The following FSIP2 variants were observed in gnomAD, a reference collection of about 807,000 sequenced individuals.
FSIP2 encodes the protein fibrous sheath interacting protein 2.
A neutral mutation model predicts 510.5 loss-of-function variants in FSIP2; 367 were observed. The observed-to-expected ratio is 0.72, with a 90% CI of 0.66 to 0.78. The LOEUF (loss-of-function observed/expected upper bound fraction) is 0.78, where lower values mean the gene tolerates loss of function less well. FSIP2 is among the 30% of genes least tolerant of loss of function. The pLI is 0.00. For synonymous variants in FSIP2, 2,601 were observed against 2,732.2 expected (o/e 0.95, Z 1.50); for missense variants, 7,594 against 7,901.7 (o/e 0.96, Z 1.48).
At position 185,803,733 on chromosome 2, in the gene FSIP2, C is replaced by CTGGT. The variant is rs1264420058; in HGVS notation, c.14427_14428insTGGT (p.Thr4810TrpfsTer11). On this transcript the variant is annotated frameshift_variant, in exon 17 of 23. Transcript: ENST00000424728. LOFTEE classifies it high-confidence loss of function. ...TTACATCTCAGATAAGTCCATTGAA[C>CTGGT]ACCAGTGCAGAGCAGTCAGATACTA... The CTGGT allele has an allele frequency of 6.5e-7, 1 of 1,532,840 alleles. No individual in the cohort carries two copies. The highest frequency in any genetic ancestry group is 8.7e-7 in the Non-Finnish European group (1 of 1,144,740). The allele number at this position is 1,532,840 out of a possible 1,614,324, so 95.0% of individuals were successfully genotyped here. A position where few individuals can be genotyped will look rare whatever the true frequency, so the allele number is the denominator to read the frequency against.
rs1202999334 is a variant in FSIP2, at chr2:185,792,179, T to G, written c.5043T>G (p.Tyr1681Ter). The change falls in exon 16 of 23, where the codon TAT becomes TAG. Residue 1681 changes from tyrosine (Y) to a stop codon, truncating the protein, a stop_gained. Transcript: ENST00000424728. LOFTEE classifies it high-confidence loss of function. ...CACCTGAGACTCAAATACTTAAGTA[T>G]GTAGTCAAGTTAATTTTAGATGCAG... is the stretch of plus-strand genomic sequence containing the variant. ...NPPPETQILK[Y>*]VVKLILDAVS... is the part of the protein sequence containing the mutation. The G allele has an allele frequency of 1.3e-6, 2 of 1,531,744 alleles. No homozygotes were observed. The highest frequency in any genetic ancestry group is 2.8e-5 in the African/African-American group (2 of 72,698). The allele number at this position is 1,531,744 out of a possible 1,614,324, so 94.9% of individuals were successfully genotyped here. A position where few individuals can be genotyped will look rare whatever the true frequency, so the allele number is the denominator to read the frequency against.
chr2:185,807,169 A>C lies in FSIP2; in HGVS notation c.17863A>C (p.Asn5955His). Residue 5955 changes from asparagine (N) to histidine (H), a missense_variant, in exon 17 of 23, where the codon AAT becomes CAT. Physicochemically the swap from Asn to His is moderately conservative, Grantham distance 68. Transcript: ENST00000424728. ...AAGAAGACTAACTAGTGCAGTGATAAATGAAATTTTCCAACGTCAGGTTAA... is the reference window on the plus strand; with the variant it reads ...AAGAAGACTAACTAGTGCAGTGATACATGAAATTTTCCAACGTCAGGTTAA... ...LARRLTSAVI[N>H]EIFQRQVNLI... The C allele has an allele frequency of 2.5e-6, 4 of 1,602,262 alleles. No homozygotes were observed. The highest frequency in any genetic ancestry group is 2.6e-6 in the Non-Finnish European group (3 of 1,176,076).
chr2:185,773,289 C>T (rs1692647482), intron 13 of FSIP2, among the ~76,000 whole-genome samples: 1 of 152,156 alleles, frequency 6.6e-6, no homozygotes, highest in African/African-American at 2.4e-5. Flanking sequence ...TTGGTCAGCA[C>T]TATTTTTCTT....
At chr2:185,770,832 T>G (rs1036682258) in intron 13 of FSIP2, among the ~76,000 whole-genome samples, 1 of 152,206 alleles carries the variant, frequency 6.6e-6, no homozygotes, top group African/African-American at 2.4e-5. Flanking sequence ...GTATATTGCC[T>G]TCACTTATGA....
rs1345284292 is a variant in FSIP2 at position 185,804,681 on chromosome 2, T to G, written c.15375T>G (p.Leu5125=). ...TTTTAGAAGATATGGTTTACAGGCT[T>G]CTAGGGCATGTCTTCCCTTCAACTC... The part of the protein sequence containing the change: ...HSLLEDMVYR[L]LGHVFPSTHT... Residue 5125 remains leucine, a synonymous_variant, in exon 17 of 23, where the codon CTT becomes CTG. Transcript: ENST00000424728. The G allele has an allele frequency of 6.5e-7, 1 of 1,532,222 alleles. No individual in the cohort carries two copies. Among genetic ancestry groups the G allele is most frequent in the Non-Finnish European group, 8.7e-7 (1 of 1,144,682 alleles). The allele number at this position is 1,532,222 out of a possible 1,614,324, so 94.9% of individuals were successfully genotyped here. A position where few individuals can be genotyped will look rare whatever the true frequency, so the allele number is the denominator to read the frequency against.
At chr2:185,767,179 CA>C (rs1692505283) in intron 13 of FSIP2, among the ~76,000 whole-genome samples, 1 of 144,340 alleles carries the variant, frequency 6.9e-6, no homozygotes, top group South Asian at 2.2e-4. Context: ...GGGGTGGGGG[CA>C]GGGGGGAGGG....
At position 185,813,632 on chromosome 2, in the gene FSIP2, C is replaced by T; in HGVS notation, c.19915C>T (p.Leu6639Phe). The change falls in exon 18 of 23, where the codon CTT (leucine) becomes TTT (phenylalanine). Residue 6639 changes from leucine to phenylalanine, a missense_variant. Coordinates refer to ENST00000424728, the MANE Select transcript of FSIP2 (RefSeq NM_173651.4). ...AAAAGATGTTCAAAGTAAAAATGAT[C>T]TTATTGTTCGATTAGTAGCTCATGA... ...LLKDVQSKND[L>F]IVRLVAHDID... The T allele has an allele frequency of 6.3e-7, 1 of 1,595,508 alleles. No individual in the cohort carries two copies. The highest frequency in any genetic ancestry group is 8.5e-7 in the Non-Finnish European group (1 of 1,170,072).
chr2:185,796,088 C>T lies in FSIP2; in HGVS notation c.8952C>T (p.Ser2984=). 1 of 1,532,948 alleles carries T rather than the reference C, an allele frequency of 6.5e-7. No individual in the cohort carries two copies. Among genetic ancestry groups the T allele is most frequent in the Non-Finnish European group, 8.7e-7 (1 of 1,145,596 alleles). 95.0% of individuals were successfully genotyped at this position (1,532,948 alleles called of 1,614,324 possible). A position where few individuals can be genotyped will look rare whatever the true frequency, so the allele number is the denominator to read the frequency against. The change falls in exon 16 of 23, where the codon TCC becomes TCT. Residue 2984 remains serine, a synonymous_variant. Transcript: ENST00000424728. The part of the protein sequence containing the change: ...TKTKDQISVG[S]SNQIVQEIVE... ...CAAAAGACCAAATTTCTGTGGGCTC[C>T]AGCAACCAAATTGTTCAAGAGATTG... is the stretch of plus-strand genomic sequence containing the variant.
Position 185,800,419 on chromosome 2 carries a change from G to T in FSIP2, c.11113G>T (p.Asp3705Tyr), listed in dbSNP as rs1331143194. ...CAATAAAGTTTTTAATATTGTTTCA[G>T]ATTTATTTTCACCAGATGAATGCCT... ...VVNKVFNIVS[D>Y]LFSPDECLDT... Residue 3705 changes from aspartate (D) to tyrosine (Y), a missense_variant, in exon 17 of 23, where the codon GAT becomes TAT. By Grantham distance (160) the Asp-to-Tyr change is radical. Coordinates refer to ENST00000424728, the MANE Select transcript of FSIP2 (RefSeq NM_173651.4). The T allele has an allele frequency of 4.6e-6, 7 of 1,527,722 alleles. No homozygotes were observed. The Admixed American group carries it at 1.4e-4, about 31-fold the overall frequency. 94.6% of individuals were successfully genotyped at this position (1,527,722 alleles called of 1,614,324 possible). A position where few individuals can be genotyped will look rare whatever the true frequency, so the allele number is the denominator to read the frequency against.
chr2:185,803,581 C>G lies in FSIP2; in HGVS notation c.14275C>G (p.Leu4759Val). ...TCTGCCTTTTAAATCACATTCCAAA[C>G]TCAGTGCAAATGTTTTAATACAAAG... ...ANLPFKSHSK[L>V]SANVLIQRVQ... The change falls in exon 17 of 23, where the codon CTC (leucine) becomes GTC (valine). Residue 4759 changes from leucine to valine, a missense_variant. By Grantham distance (32) the Leu-to-Val change is conservative. Coordinates refer to ENST00000424728, the MANE Select transcript of FSIP2 (RefSeq NM_173651.4). The G allele has an allele frequency of 6.5e-7, 1 of 1,532,032 alleles. No homozygotes were observed. The allele number at this position is 1,532,032 out of a possible 1,614,324, so 94.9% of individuals were successfully genotyped here.
At position 185,804,010 on chromosome 2, in the gene FSIP2, G is replaced by A; in HGVS notation, c.14704G>A (p.Glu4902Lys). Reference protein sequence around the residue: ...VSKIASFIIKEIFNHHIQSFL... With the variant: ...VSKIASFIIKKIFNHHIQSFL... ...AAAAATAGCGAGTTTTATAATAAAA[G>A]AAATCTTTAACCATCATATTCAATC... The change falls in exon 17 of 23, where the codon GAA (glutamate) becomes AAA (lysine). Residue 4902 changes from glutamate (E) to lysine (K), a missense_variant. Glu to Lys is a moderately conservative substitution (Grantham distance 56). Transcript: ENST00000424728. 1 of 1,498,136 alleles carries A rather than the reference G, an allele frequency of 6.7e-7. No individual in the cohort carries two copies. Among genetic ancestry groups the A allele is most frequent in the South Asian group, 1.3e-5 (1 of 78,458 alleles). The allele number at this position is 1,498,136 out of a possible 1,614,324, so 92.8% of individuals were successfully genotyped here. A position where few individuals can be genotyped will look rare whatever the true frequency, so the allele number is the denominator to read the frequency against.
Position 185,803,170 on chromosome 2 carries a change from T to C in FSIP2, c.13864T>C (p.Phe4622Leu). The change falls in exon 17 of 23, where the codon TTC becomes CTC. Residue 4622 changes from phenylalanine to leucine, a missense_variant. Coordinates refer to ENST00000424728, the MANE Select transcript of FSIP2 (RefSeq NM_173651.4). The stretch of plus-strand genomic sequence containing the variant: ...TTATACCAGTGTTTACTCTTCAACA[T>C]TCTTGGAAGATGTAATCTCTGGGGT... ...LFYTSVYSST[F>L]LEDVISGVLR... 2 of 1,532,472 alleles carry C rather than the reference T, an allele frequency of 1.3e-6. No individual in the cohort carries two copies. The highest frequency in any genetic ancestry group is 1.7e-6 in the Non-Finnish European group (2 of 1,144,708). 94.9% of individuals were successfully genotyped at this position (1,532,472 alleles called of 1,614,324 possible).
chr2:185,769,138 T>C (rs1190606493), intron 13 of FSIP2, among the ~76,000 whole-genome samples: 1 of 152,180 alleles, frequency 6.6e-6, no homozygotes, highest in Non-Finnish European at 1.5e-5. Flanking sequence ...ATGGTTCCTT[T>C]GGGTATATAG....
intron 7 of FSIP2, among the ~76,000 whole-genome samples, chr2:185,752,136 A>G (rs1574155663): frequency 6.6e-6 from 1 of 151,128 alleles, no homozygotes; most frequent in Non-Finnish European, 1.5e-5. Context: ...TATGTCTGCA[A>G]AAGACTTATA....
rs1183421331 is a variant in FSIP2, at chr2:185,792,337, C to T, written c.5201C>T (p.Ala1734Val). Residue 1734 changes from alanine to valine, a missense_variant, in exon 16 of 23, where the codon GCG (alanine) becomes GTG (valine). Transcript: ENST00000424728. ...DSFLEDDAYT[A>V]KKIIDERSPQ... ...TTTCTAGAAGATGATGCATATACAG[C>T]GAAAAAAATTATTGATGAGAGATCC... The T allele has an allele frequency of 8.5e-6, 13 of 1,527,934 alleles. No individual in the cohort carries two copies. Among genetic ancestry groups the T allele is most frequent in the South Asian group, 7.3e-5 (6 of 82,530 alleles). 94.6% of individuals were successfully genotyped at this position (1,527,934 alleles called of 1,614,324 possible).
intron 14 of FSIP2, among the ~76,000 whole-genome samples, chr2:185,785,872 C>G (rs1692961126): frequency 6.6e-6 from 1 of 151,932 alleles, no homozygotes; most frequent in Non-Finnish European, 1.5e-5. Flanking sequence ...GGTCAGATGC[C>G]TTGCTACTCC....
chr2:185,799,779 T>C lies in FSIP2; in HGVS notation c.10473T>C (p.Asp3491=). The C allele has an allele frequency of 6.6e-7, 1 of 1,526,248 alleles. No individual in the cohort carries two copies. Among genetic ancestry groups the C allele is most frequent in the Non-Finnish European group, 8.8e-7 (1 of 1,141,600 alleles). The allele number at this position is 1,526,248 out of a possible 1,614,324, so 94.5% of individuals were successfully genotyped here. ...ESKQFLRNIY[D]DSSIYQCCEH... ...AACAGTTCCTAAGAAACATATACGATGATTCTTCAATTTATCAATGTTGTG... is the reference window on the plus strand; with the variant it reads ...AACAGTTCCTAAGAAACATATACGACGATTCTTCAATTTATCAATGTTGTG... Residue 3491 remains aspartate, a synonymous_variant, in exon 17 of 23, where the codon GAT becomes GAC. Transcript: ENST00000424728.
chr2:185,751,879 A>T (rs1692155368), intron 7 of FSIP2, among the ~76,000 whole-genome samples: 1 of 150,944 alleles, frequency 6.6e-6, no homozygotes. Flanking sequence ...TTTGGCCTTT[A>T]TGCTATTTTG....
chr2:185,802,425 T>C lies in FSIP2; in HGVS notation c.13119T>C (p.Leu4373=), dbSNP rs1457821919. Residue 4373 remains leucine, a synonymous_variant, in exon 17 of 23, where the codon CTT becomes CTC. Transcript: ENST00000424728. The part of the protein sequence containing the change: ...FSFNTDIVDE[L]ATSVYRNALK... ...TCAATACAGATATTGTGGATGAACT[T>C]GCCACCTCAGTTTATAGAAATGCTT... The C allele has an allele frequency of 3.3e-6, 5 of 1,533,822 alleles. No individual in the cohort carries two copies. The highest frequency in any genetic ancestry group is 4.4e-6 in the Non-Finnish European group (5 of 1,145,492).
Sources: allele counts gnomAD v4.1 joint callset (sites outside exome capture counted in the v4.1 genomes callset), GRCh38; gene constraint gnomAD v4.1.1; transcripts MANE v1.5; gene names NCBI Gene and HGNC (gene_info 2026-07-23, HGNC 2026-07-21).